Variants in RGS7 observed in about 807,000 individuals in gnomAD.
RGS7 encodes regulator of G-protein signaling 7.
Under a neutral mutation model 81.1 loss-of-function variants are expected in RGS7, and 27 were observed. That is an observed-to-expected ratio of 0.33 (90% CI 0.25 to 0.46). The LOEUF (loss-of-function observed/expected upper bound fraction) is 0.46, where lower values mean the gene tolerates loss of function less well. Among genes scored for constraint, RGS7 ranks in the 20% least tolerant of loss-of-function variants. The pLI, the probability that RGS7 is intolerant of heterozygous loss-of-function variation, is 1.00. For missense variants in RGS7, 396 were observed against 607.4 expected (o/e 0.65, Z 3.66); for synonymous variants, 208 against 207.7 (o/e 1.00, Z -0.01).
At chr1:241,327,024 A>AGGGAGGGAGGGAGGGAGGG (rs1553320517) in intron 2 of RGS7, among the ~76,000 whole-genome samples, 1 of 478 alleles carries the variant, frequency 2.1e-3, no homozygotes, top group African/African-American at 5.9e-3. Context: ...GGAAGGAAGG[A>AGGGAGGGAGGGAGGGAGGG]AGGAAGGAAG....
intron 10 of RGS7, among the ~76,000 whole-genome samples, chr1:240,821,324 T>G (rs61832422): frequency 0.085 from 12,943 of 152,148 alleles, 670 homozygotes; most frequent in Admixed American, 0.12. Flanking sequence ...TGGTGGCACA[T>G]GCCTGTAGTC....
At chr1:241,101,181 T>C (rs1016414400) in intron 2 of RGS7, among the ~76,000 whole-genome samples, 2 of 152,212 alleles carry the variant, frequency 1.3e-5, no homozygotes, top group Admixed American at 6.5e-5. Context: ...TAGTTCTCAG[T>C]TGGCTCAGAA....
At chr1:241,011,546 T>A (rs958186430) in intron 3 of RGS7, among the ~76,000 whole-genome samples, 7 of 152,160 alleles carry the variant, frequency 4.6e-5, no homozygotes, top group African/African-American at 1.7e-4. Flanking sequence ...GTCAAAGGCA[T>A]TCGAACCAGA....
At chr1:241,354,475 G>C (rs542135889) in intron 2 of RGS7, among the ~76,000 whole-genome samples, 1 of 152,018 alleles carries the variant, frequency 6.6e-6, no homozygotes, top group South Asian at 2.1e-4. Context: ...AGTACTGTTC[G>C]CCCAGGCTAG....
At chr1:241,147,841 T>G (rs2068457975) in intron 2 of RGS7, among the ~76,000 whole-genome samples, 1 of 121,908 alleles carries the variant, frequency 8.2e-6, no homozygotes, top group Non-Finnish European at 1.7e-5. Context: ...TGCAATATCA[T>G]ATAGGTCTCA....
At chr1:241,097,330 G>T (rs1323486777) in intron 3 of RGS7, among the ~76,000 whole-genome samples, 1 of 152,000 alleles carries the variant, frequency 6.6e-6, no homozygotes, top group Non-Finnish European at 1.5e-5. Context: ...ATAAGAGGGA[G>T]TAACAGGGAA....
intron 2 of RGS7, among the ~76,000 whole-genome samples, chr1:241,235,647 ATT>A: frequency 1.8e-5 from 1 of 55,360 alleles, no homozygotes; most frequent in Non-Finnish European, 3.9e-5. Context: ...CTTTTTTCTC[ATT>A]CTCTCTTTCT....
chr1:241,134,060 T>A (rs1572838823), intron 2 of RGS7, among the ~76,000 whole-genome samples: 1 of 152,166 alleles, frequency 6.6e-6, no homozygotes, highest in South Asian at 2.1e-4. Context: ...TAATAAAGCA[T>A]CCCATCCTGC....
At chr1:240,983,974 A>T (rs1373897974) in intron 3 of RGS7, among the ~76,000 whole-genome samples, 1 of 152,208 alleles carries the variant, frequency 6.6e-6, no homozygotes, top group Non-Finnish European at 1.5e-5. Flanking sequence ...ATTTTGAAGG[A>T]TGTATTTTTA....
intron 6 of RGS7, among the ~76,000 whole-genome samples, chr1:240,880,072 C>T (rs1024138732): frequency 6.6e-6 from 1 of 152,204 alleles, no homozygotes; most frequent in African/African-American, 2.4e-5. Flanking sequence ...GACAGGGCCT[C>T]CCTCTGTCAC....
At chr1:241,092,837 T>A in intron 3 of RGS7, among the ~76,000 whole-genome samples, 1 of 144,130 alleles carries the variant, frequency 6.9e-6, no homozygotes, top group Admixed American at 6.8e-5. Flanking sequence ...CCCAACAAAC[T>A]TAAAAGAACA....
chr1:241,028,645 G>T (rs1172264335), intron 3 of RGS7, among the ~76,000 whole-genome samples: 1 of 152,168 alleles, frequency 6.6e-6, no homozygotes, highest in East Asian at 1.9e-4. Flanking sequence ...CAAGATGCAG[G>T]CAGAGCAATG....
chr1:240,918,602 C>A (rs1361662709), intron 6 of RGS7, among the ~76,000 whole-genome samples: 4 of 151,838 alleles, frequency 2.6e-5, no homozygotes, highest in South Asian at 2.1e-4. Context: ...GAAAGCAGTG[C>A]CTAGAAGGAA....
At chr1:241,245,969 T>C (rs535483727) in intron 2 of RGS7, among the ~76,000 whole-genome samples, 5 of 151,758 alleles carry the variant, frequency 3.3e-5, no homozygotes, top group African/African-American at 1.2e-4. Flanking sequence ...CCAGGCGTGG[T>C]GGCGGGCGCC....
chr1:241,048,962 A>C (rs1189795965), intron 3 of RGS7, among the ~76,000 whole-genome samples: 1 of 152,208 alleles, frequency 6.6e-6, no homozygotes. Context: ...CTCGGCTTGC[A>C]GCTGCGGCAC....
At chr1:240,859,444 T>TTTG (rs1661772507) in intron 9 of RGS7, among the ~76,000 whole-genome samples, 1 of 147,722 alleles carries the variant, frequency 6.8e-6, no homozygotes, top group African/African-American at 2.5e-5. Context: ...TTTCCTGTTT[T>TTTG]TTTTTTTTTT....
chr1:240,856,446 A>G (rs1220157729), intron 9 of RGS7, among the ~76,000 whole-genome samples: 1 of 152,220 alleles, frequency 6.6e-6, no homozygotes, highest in African/African-American at 2.4e-5. Context: ...GTTGAAAGAC[A>G]TACTAAATGA....
chr1:241,297,894 G>T (rs540710357), intron 2 of RGS7, among the ~76,000 whole-genome samples: 1 of 152,286 alleles, frequency 6.6e-6, no homozygotes, highest in African/African-American at 2.4e-5. Flanking sequence ...ACTGGCTTCG[G>T]TCTGAAGGCA....
intron 2 of RGS7, among the ~76,000 whole-genome samples, chr1:241,293,556 C>T (rs1019262216): frequency 2.6e-5 from 4 of 151,760 alleles, no homozygotes; most frequent in African/African-American, 7.3e-5. Context: ...GCTAAGGCTG[C>T]ATTTGTGTCT....
Sources: gnomAD v4.1 joint callset for allele counts (sites outside exome capture counted in the v4.1 genomes callset) on GRCh38, gnomAD v4.1.1 for gene constraint, MANE v1.5 for transcripts, NCBI Gene and HGNC (gene_info 2026-07-23, HGNC 2026-07-21) for gene names.